The following TEC variants were observed in gnomAD, a reference collection of about 807,000 sequenced individuals.
The protein encoded by TEC is tec protein tyrosine kinase.
In TEC, 72 loss-of-function variants were observed where a neutral mutation model predicts 93.0. The observed-to-expected ratio is 0.77, with a 90% CI of 0.64 to 0.94. The LOEUF is 0.94. Ranked by LOEUF, TEC falls within the 40% of genes least tolerant of loss-of-function variation. TEC has a pLI of 0.00. For missense variants in TEC, 630 were observed against 757.9 expected, an observed-to-expected ratio of 0.83 and a Z score of 1.98; for synonymous variants, 249 against 247.7, an observed-to-expected ratio of 1.01 and a Z score of -0.05.
At chr4:48,218,325 G>A (rs1217815962) in intron 2 of TEC, among the ~76,000 whole-genome samples, 5 of 152,176 alleles carry the variant, frequency 3.3e-5, no homozygotes, top group Non-Finnish European at 7.4e-5. Flanking sequence ...TGTCACTTTT[G>A]TTGTTGTTGT....
chr4:48,232,311 A>G (rs2941039), intron 1 of TEC, among the ~76,000 whole-genome samples: 1 of 64,780 alleles, frequency 1.5e-5, no homozygotes, highest in Non-Finnish European at 2.9e-5. Context: ...AAAACAAAAC[A>G]AAAAAAAAAC....
chr4:48,169,211 G>A (rs1249085619), intron 5 of TEC, among the ~76,000 whole-genome samples: 1 of 152,002 alleles, frequency 6.6e-6, no homozygotes, highest in Non-Finnish European at 1.5e-5. Flanking sequence ...AGCAACCAGA[G>A]GAACCACTGC....
chr4:48,148,161 T>C (rs1242019026), intron 11 of TEC, among the ~76,000 whole-genome samples: 2 of 152,122 alleles, frequency 1.3e-5, no homozygotes, highest in African/African-American at 4.8e-5. Context: ...TTAAAAAAAT[T>C]AGATTATGCT....
At chr4:48,179,898 G>A (rs1407690679) in intron 2 of TEC, among the ~76,000 whole-genome samples, 1 of 152,140 alleles carries the variant, frequency 6.6e-6, no homozygotes, top group African/African-American at 2.4e-5. Flanking sequence ...AAAGTGCTTA[G>A]AAGAATGTCT....
intron 1 of TEC, among the ~76,000 whole-genome samples, chr4:48,261,057 A>G (rs1302340413): frequency 6.6e-6 from 1 of 152,228 alleles, no homozygotes; most frequent in Non-Finnish European, 1.5e-5. Flanking sequence ...GGTGGCACCC[A>G]AAGATCAAAC....
At chr4:48,199,592 G>A (rs902425182) in intron 2 of TEC, among the ~76,000 whole-genome samples, 2 of 143,186 alleles carry the variant, frequency 1.4e-5, no homozygotes. Context: ...TCAGCGTCCC[G>A]AGTAGCTGGG....
At chr4:48,220,763 C>A (rs1035081252) in intron 2 of TEC, among the ~76,000 whole-genome samples, 1 of 152,146 alleles carries the variant, frequency 6.6e-6, no homozygotes, top group Non-Finnish European at 1.5e-5. Context: ...CTTCTGACAC[C>A]AAATATGTGG....
intron 9 of TEC, among the ~76,000 whole-genome samples, chr4:48,151,490 C>G (rs1015704689): frequency 6.6e-6 from 1 of 152,058 alleles, no homozygotes; most frequent in African/African-American, 2.4e-5. Context: ...TCAGTCATAT[C>G]GGTCTTTTTT....
rs777091415 is a variant in TEC at position 48,145,257 on chromosome 4, A to G, written c.1292T>C (p.Val431Ala). The G allele has an allele frequency of 5.6e-6, 9 of 1,614,152 alleles. No individual in the cohort carries two copies. The highest frequency in any genetic ancestry group is 7.6e-6 in the Non-Finnish European group (9 of 1,180,014). The stretch of plus-strand genomic sequence containing the variant: ...GTATATTGGTTTCTGCTGGGTGCAC[A>G]CACCATAAAGCTGCACTAACTTCGG... ...THPKLVQLYG[V>A]CTQQKPIYIV... The change falls in exon 14 of 18, where the codon GTG becomes GCG. Residue 431 changes from valine (V) to alanine (A), a missense_variant. Coordinates refer to ENST00000381501, the MANE Select transcript of TEC (RefSeq NM_003215.3).
intron 14 of TEC, 137 bp from the exon 15 acceptor site, chr4:48,141,556 GT>G (rs1372142491): frequency 2.7e-6 from 2 of 743,340 alleles, no homozygotes; most frequent in Non-Finnish European, 2.1e-6. Flanking sequence ...TTAATAAGTT[GT>G]TTTTACCCCT....
intron 1 of TEC, among the ~76,000 whole-genome samples, chr4:48,234,529 T>C (rs1320679600): frequency 1.3e-5 from 2 of 152,126 alleles, no homozygotes; most frequent in Non-Finnish European, 2.9e-5. Flanking sequence ...CAAAACTGAA[T>C]GTATGGGGAG....
At chr4:48,193,951 G>C (rs1722190821) in intron 2 of TEC, among the ~76,000 whole-genome samples, 1 of 152,180 alleles carries the variant, frequency 6.6e-6, no homozygotes, top group Admixed American at 6.5e-5. Context: ...TGGGATAGAT[G>C]GTGGGTGGCA....
At chr4:48,192,875 C>T (rs2109584281) in intron 2 of TEC, among the ~76,000 whole-genome samples, 1 of 152,264 alleles carries the variant, frequency 6.6e-6, no homozygotes, top group African/African-American at 2.4e-5. Flanking sequence ...TGGTCCTAGC[C>T]TTCTCTTTAT....
At chr4:48,236,299 T>C (rs1195657400) in intron 1 of TEC, among the ~76,000 whole-genome samples, 1 of 152,172 alleles carries the variant, frequency 6.6e-6, no homozygotes, top group Admixed American at 6.5e-5. Context: ...TGTTTTTTTT[T>C]GAGACGGAGT....
In TEC at chr4:48,146,373, C is replaced by T. The variant is rs754284170; in HGVS notation, c.1033G>A (p.Val345Ile). ...GGTGCATTCTTCCCTTTCACACTAACTGGGTACCGAAGCCTGGTGACAAGT... is the reference window on the plus strand; with the variant it reads ...GGTGCATTCTTCCCTTTCACACTAATTGGGTACCGAAGCCTGGTGACAAGT... Reference protein sequence around the residue: ...AGLVTRLRYPVSVKGKNAPTT... With the variant: ...AGLVTRLRYPISVKGKNAPTT... The change falls in exon 12 of 18, where the codon GTT becomes ATT. Residue 345 changes from valine to isoleucine, a missense_variant. Physicochemically the swap from Val to Ile is conservative, Grantham distance 29. Coordinates refer to ENST00000381501, the MANE Select transcript of TEC (RefSeq NM_003215.3). 4 of 1,613,900 alleles carry T rather than the reference C, an allele frequency of 2.5e-6. No individual in the cohort carries two copies. In the South Asian group the frequency reaches 4.4e-5, roughly 18 times the overall value.
chr4:48,173,884 G>A (rs910707270), intron 3 of TEC, among the ~76,000 whole-genome samples: 3 of 152,134 alleles, frequency 2.0e-5, no homozygotes, highest in Non-Finnish European at 4.4e-5. Context: ...GGCAGCTGGT[G>A]TGGATTCCCC....
chr4:48,179,115 T>C lies in TEC; in HGVS notation c.139-2929A>G, dbSNP rs144529128. On this transcript the variant is annotated intron_variant, in intron 2 of 17. Transcript: ENST00000381501. Reference sequence around the variant, plus strand: ...TTCTCACAGGACAACACCTGTCATGTGTCAACAACTGTGTGAAGAATGACA... The same window carrying C: ...TTCTCACAGGACAACACCTGTCATGCGTCAACAACTGTGTGAAGAATGACA... Among the ~76,000 whole-genome samples, 358 of 152,112 alleles carry C rather than the reference T, an allele frequency of 2.4e-3. 1 individual carries two copies. The highest frequency in any genetic ancestry group is 4.1e-3 in the Non-Finnish European group (279 of 68,004).
chr4:48,190,711 T>A (rs982829783), intron 2 of TEC, among the ~76,000 whole-genome samples: 1 of 152,138 alleles, frequency 6.6e-6, no homozygotes, highest in Non-Finnish European at 1.5e-5. Context: ...GGTGATTTGA[T>A]TGTTAAAGGA....
chr4:48,213,215 T>C lies in TEC; in HGVS notation c.138+15262A>G, dbSNP rs112780683. 6.0e-3 allele frequency among the ~76,000 whole-genome samples: 921 copies of C among 152,338 alleles called. 14 individuals are homozygous for C. Among genetic ancestry groups the C allele is most frequent in the African/African-American group, 0.021 (892 of 41,576 alleles). On this transcript the variant is annotated intron_variant, in intron 2 of 17. Transcript: ENST00000381501. ...GGAAAAATTCCTTTCCAATAATCTA[T>C]TAAAAATCATTTTGCAATTTCACCT...
Sources: gnomAD v4.1 joint callset for allele counts (sites outside exome capture counted in the v4.1 genomes callset) on GRCh38, gnomAD v4.1.1 for gene constraint, MANE v1.5 for transcripts, NCBI Gene and HGNC (gene_info 2026-07-23, HGNC 2026-07-21) for gene names.